KCND2: variants seen among roughly 807,000 people sequenced by gnomAD.
KCND2 encodes the protein A-type voltage-gated potassium channel KCND2.
A neutral mutation model predicts 54.4 loss-of-function variants in KCND2; 16 were observed. The ratio of observed to expected loss-of-function variants is 0.29; its 90% confidence interval spans 0.20 to 0.45. KCND2 has a LOEUF of 0.45. KCND2 is among the 20% of genes least tolerant of loss of function. KCND2 has a pLI of 1.00. For missense variants in KCND2, 486 were observed against 824.2 expected (o/e 0.59, Z 5.02); for synonymous variants, 317 against 310.7 (o/e 1.02, Z -0.21).
At chr7:120,361,799 T>C (rs539263109) in intron 1 of KCND2, among the ~76,000 whole-genome samples, 17 of 152,210 alleles carry the variant, frequency 1.1e-4, no homozygotes, top group African/African-American at 3.9e-4. Flanking sequence ...TGAAAGTAGG[T>C]TCCAAAGTAA....
chr7:120,484,701 G>GCACACACACACA lies in KCND2; in HGVS notation c.1115+208975_1115+208986dup, dbSNP rs3067134. 1.2e-3 allele frequency among the ~76,000 whole-genome samples: 160 copies of GCACACACACACA among 137,638 alleles called. 1 individual carries two copies. The highest frequency in any genetic ancestry group is 3.0e-3 in the Admixed American group (41 of 13,774). The allele number at this position is 137,638 out of a possible 152,430, so 90.3% of individuals were successfully genotyped here. A position where few individuals can be genotyped will look rare whatever the true frequency, so the allele number is the denominator to read the frequency against. On this transcript the variant is annotated intron_variant, in intron 1 of 5. Coordinates refer to ENST00000331113, the MANE Select transcript of KCND2 (RefSeq NM_012281.3). ...AGATTCAGGCTTATATATATTACAC[G>GCACACACACACA]CACACACACACACACACACACACAC... is the stretch of plus-strand genomic sequence containing the variant.
At chr7:120,683,335 G>A (rs1427994068) in intron 1 of KCND2, among the ~76,000 whole-genome samples, 2 of 152,086 alleles carry the variant, frequency 1.3e-5, no homozygotes, top group Admixed American at 6.6e-5. Context: ...AAGTCAGCAG[G>A]AGGATGCAAT....
At chr7:120,414,439 G>A (rs1263267497) in intron 1 of KCND2, among the ~76,000 whole-genome samples, 4 of 151,972 alleles carry the variant, frequency 2.6e-5, no homozygotes, top group South Asian at 2.1e-4. Flanking sequence ...TTGATTATAC[G>A]TATTTCAGTT....
chr7:120,285,575 A>T (rs989496221), intron 1 of KCND2, among the ~76,000 whole-genome samples: 2 of 151,960 alleles, frequency 1.3e-5, no homozygotes, highest in African/African-American at 4.8e-5. Flanking sequence ...CATTTCAGTA[A>T]ATTCTTAATT....
At chr7:120,584,093 A>C (rs994349414) in intron 1 of KCND2, among the ~76,000 whole-genome samples, 2 of 152,228 alleles carry the variant, frequency 1.3e-5, no homozygotes, top group Non-Finnish European at 2.9e-5. Context: ...AATTCTCTTG[A>C]AACTGAGGTA....
At chr7:120,408,909 G>A (rs1039398754) in intron 1 of KCND2, among the ~76,000 whole-genome samples, 3 of 151,734 alleles carry the variant, frequency 2.0e-5, no homozygotes, top group Admixed American at 6.6e-5. Context: ...CATGATATGA[G>A]CGCAAAAATA....
intron 1 of KCND2, among the ~76,000 whole-genome samples, chr7:120,349,287 T>C (rs1423809111): frequency 6.7e-6 from 1 of 149,732 alleles, no homozygotes; most frequent in East Asian, 2.0e-4. Context: ...CCACCACATC[T>C]AAGCTGCTAT....
chr7:120,513,298 A>G (rs1043577383), intron 1 of KCND2, among the ~76,000 whole-genome samples: 5 of 152,146 alleles, frequency 3.3e-5, no homozygotes, highest in African/African-American at 1.2e-4. Flanking sequence ...TAACCTTAAA[A>G]GACTTTGAAG....
intron 1 of KCND2, among the ~76,000 whole-genome samples, chr7:120,599,405 A>C (rs532449838): frequency 1.3e-5 from 2 of 152,180 alleles, no homozygotes; most frequent in Middle Eastern, 6.8e-3. Flanking sequence ...GTATTAAATT[A>C]TTTGACAGGC....
intron 2 of KCND2, among the ~76,000 whole-genome samples, chr7:120,741,145 G>C (rs1792936452): frequency 6.6e-6 from 1 of 151,834 alleles, no homozygotes; most frequent in African/African-American, 2.4e-5. Flanking sequence ...AAAAGGAGTT[G>C]GCAGCTGGTT....
intron 1 of KCND2, among the ~76,000 whole-genome samples, chr7:120,441,080 A>G (rs1449235017): frequency 6.6e-6 from 1 of 151,952 alleles, no homozygotes; most frequent in Non-Finnish European, 1.5e-5. Context: ...GGAAAAAAAA[A>G]ATAAACCATT....
chr7:120,596,424 G>C (rs1042770484), intron 1 of KCND2, among the ~76,000 whole-genome samples: 1 of 152,120 alleles, frequency 6.6e-6, no homozygotes, highest in African/African-American at 2.4e-5. Flanking sequence ...ATATGTTAAG[G>C]GTGAAACTAA....
intron 1 of KCND2, among the ~76,000 whole-genome samples, chr7:120,362,065 A>G (rs1172612210): frequency 6.6e-5 from 10 of 152,090 alleles, no homozygotes; most frequent in Non-Finnish European, 8.8e-5. Context: ...AATTAAAGCT[A>G]TTTCACCTTA....
At chr7:120,451,654 CAT>C (rs1361838302) in intron 1 of KCND2, among the ~76,000 whole-genome samples, 3 of 152,190 alleles carry the variant, frequency 2.0e-5, no homozygotes, top group African/African-American at 4.8e-5. Flanking sequence ...ATAAAAAACA[CAT>C]GTCTCACATG....
intron 1 of KCND2, among the ~76,000 whole-genome samples, chr7:120,410,898 A>G (rs1456838767): frequency 6.6e-6 from 1 of 152,026 alleles, no homozygotes; most frequent in African/African-American, 2.4e-5. Flanking sequence ...ATGGCTGCAT[A>G]GCATTCCATG....
At chr7:120,409,639 A>G (rs1801418876) in intron 1 of KCND2, among the ~76,000 whole-genome samples, 1 of 151,932 alleles carries the variant, frequency 6.6e-6, no homozygotes, top group South Asian at 2.1e-4. Context: ...TTCTCTTATG[A>G]TTAAAAAATG....
intron 1 of KCND2, among the ~76,000 whole-genome samples, chr7:120,309,150 G>A (rs1381059775): frequency 6.6e-6 from 1 of 152,112 alleles, no homozygotes; most frequent in East Asian, 1.9e-4. Context: ...AGACATGAGT[G>A]GGTAATGACT....
At chr7:120,543,742 T>G (rs568972583) in intron 1 of KCND2, among the ~76,000 whole-genome samples, 1 of 152,150 alleles carries the variant, frequency 6.6e-6, no homozygotes, top group South Asian at 2.1e-4. Context: ...TCCTTTTATC[T>G]TTCCTTTTTA....
At chr7:120,456,395 T>A (rs575094381) in intron 1 of KCND2, among the ~76,000 whole-genome samples, 1 of 152,338 alleles carries the variant, frequency 6.6e-6, no homozygotes, top group South Asian at 2.1e-4. Flanking sequence ...TTAGTTGATA[T>A]TATTTGGCAT....
Sources: gnomAD v4.1 joint callset for allele counts (sites outside exome capture counted in the v4.1 genomes callset) on GRCh38, gnomAD v4.1.1 for gene constraint, MANE v1.5 for transcripts, NCBI Gene and HGNC (gene_info 2026-07-23, HGNC 2026-07-21) for gene names.